The following HP1BP3 variants were observed in gnomAD, a reference collection of about 807,000 sequenced individuals.
The protein encoded by HP1BP3 is heterochromatin protein 1 binding protein 3.
HP1BP3 carries 12 observed loss-of-function variants against 62.5 expected under a neutral mutation model. That is an observed-to-expected ratio of 0.19 (90% CI 0.12 to 0.31). HP1BP3 has a LOEUF of 0.31. Among genes scored for constraint, HP1BP3 ranks in the 10% least tolerant of loss-of-function variants. HP1BP3 has a pLI of 1.00. For synonymous variants in HP1BP3, 260 were observed against 237.8 expected, an observed-to-expected ratio of 1.09 and a Z score of -0.86; for missense variants, 502 against 651.8, an observed-to-expected ratio of 0.77 and a Z score of 2.50.
At chr1:20,758,073 G>A (rs564795206) in intron 8 of HP1BP3, among the ~76,000 whole-genome samples, 1 of 152,136 alleles carries the variant, frequency 6.6e-6, no homozygotes, top group Non-Finnish European at 1.5e-5. Context: ...TTGAACCCGG[G>A]AGGCGGAGGT....
chr1:20,760,303 C>T (rs930537117), intron 8 of HP1BP3, among the ~76,000 whole-genome samples: 1 of 151,972 alleles, frequency 6.6e-6, no homozygotes, highest in African/African-American at 2.4e-5. Flanking sequence ...CCTGGGTGGC[C>T]GAAGCAGGAG....
chr1:20,757,408 GT>G (rs1227356695), intron 8 of HP1BP3, 152 bp from the exon 9 acceptor site: 52 of 329,650 alleles, frequency 1.6e-4, no homozygotes, highest in African/African-American at 1.1e-3. Context: ...TTTTGCCCTT[GT>G]TGCCCAGGCT....
At chr1:20,780,212 A>C in intron 2 of HP1BP3, 133 bp downstream of exon 2, 2 of 673,034 alleles carry the variant, frequency 3.0e-6, no homozygotes, top group South Asian at 1.8e-5. Flanking sequence ...GATGAAAAGA[A>C]TCTGATTTTG....
At chr1:20,762,549 A>G (rs2056546411) in intron 8 of HP1BP3, among the ~76,000 whole-genome samples, 1 of 152,200 alleles carries the variant, frequency 6.6e-6, no homozygotes, top group Non-Finnish European at 1.5e-5. Flanking sequence ...CCTTGCAGAC[A>G]AACGACAGAC....
At chr1:20,759,631 A>G (rs2056341334) in intron 8 of HP1BP3, among the ~76,000 whole-genome samples, 1 of 152,246 alleles carries the variant, frequency 6.6e-6, no homozygotes. Flanking sequence ...ACTGTGAGAA[A>G]TACATTTCTC....
At chr1:20,777,896 T>G (rs565556265) in intron 3 of HP1BP3, among the ~76,000 whole-genome samples, 1 of 152,264 alleles carries the variant, frequency 6.6e-6, no homozygotes, top group Non-Finnish European at 1.5e-5. Flanking sequence ...ATGCTTAGGA[T>G]GACAAAGTAT....
intron 8 of HP1BP3, among the ~76,000 whole-genome samples, chr1:20,759,431 T>C (rs2056328623): frequency 1.3e-5 from 2 of 152,236 alleles, no homozygotes; most frequent in South Asian, 4.1e-4. Context: ...GATTTAAGTA[T>C]GATGGTTAAT....
chr1:20,762,246 GA>G, intron 8 of HP1BP3, among the ~76,000 whole-genome samples: 1 of 152,230 alleles, frequency 6.6e-6, no homozygotes. Context: ...AAGGCCATGA[GA>G]AAAGGTCTTC....
At chr1:20,752,857 C>T (rs1046446478) in intron 9 of HP1BP3, among the ~76,000 whole-genome samples, 8 of 152,096 alleles carry the variant, frequency 5.3e-5, no homozygotes, top group African/African-American at 1.9e-4. Context: ...TCCGTATCTG[C>T]TACATATGTA....
intron 5 of HP1BP3, among the ~76,000 whole-genome samples, chr1:20,772,925 G>A (rs1005618138): frequency 6.6e-5 from 10 of 152,160 alleles, no homozygotes; most frequent in South Asian, 6.2e-4. Context: ...GAATGTCTAG[G>A]TAATAAAGCA....
rs2055149372 is a variant in HP1BP3 at position 20,743,596 on chromosome 1, G to C, written c.*1201C>G. The C allele has an allele frequency of 6.6e-6, 1 of 152,114 alleles. No individual in the cohort carries two copies. Among genetic ancestry groups the C allele is most frequent in the Non-Finnish European group, 1.5e-5 (1 of 68,056 alleles). The allele number at this position is 152,114 out of a possible 1,614,324, so 9.4% of individuals were successfully genotyped here. ...GAATCGCTTGAACCTGGGAGGCGGA[G>C]TTTGCAGTGAGCCAAGATCACACCA... On this transcript the variant is annotated 3_prime_UTR_variant, in exon 13 of 13. Coordinates refer to ENST00000438032, the MANE Select transcript of HP1BP3 (RefSeq NM_001372052.1).
intron 6 of HP1BP3, among the ~76,000 whole-genome samples, chr1:20,769,147 T>C (rs944955443): frequency 1.3e-4 from 20 of 152,238 alleles, no homozygotes; most frequent in African/African-American, 4.6e-4. Flanking sequence ...TGGAGTGCAG[T>C]GGCACAATCA....
At chr1:20,784,571 G>A (rs960350603) in intron 1 of HP1BP3, among the ~76,000 whole-genome samples, 9 of 142,010 alleles carry the variant, frequency 6.3e-5, no homozygotes, top group East Asian at 2.4e-4. Context: ...CTCCCCTCCC[G>A]GTTCACGCCA....
At chr1:20,780,022 C>T (rs1570676166) in intron 2 of HP1BP3, 111 bp from the exon 3 acceptor site, 1 of 755,378 alleles carries the variant, frequency 1.3e-6, no homozygotes, top group East Asian at 2.7e-5. Context: ...AAGTCGACTC[C>T]AGGATCTGAT....
At chr1:20,772,452 A>G (rs1262589393) in intron 5 of HP1BP3, among the ~76,000 whole-genome samples, 2 of 151,392 alleles carry the variant, frequency 1.3e-5, no homozygotes, top group Admixed American at 6.5e-5. Context: ...GGCTATACAA[A>G]GAACAGAGAT....
chr1:20,758,400 C>CA (rs1488547995), intron 8 of HP1BP3, among the ~76,000 whole-genome samples: 4 of 151,906 alleles, frequency 2.6e-5, no homozygotes, highest in Non-Finnish European at 5.9e-5. Flanking sequence ...GGCTGGAGTG[C>CA]AGTGGCGCGA....
At chr1:20,777,310 C>T (rs1203560839) in intron 3 of HP1BP3, among the ~76,000 whole-genome samples, 2 of 151,468 alleles carry the variant, frequency 1.3e-5, no homozygotes, top group Non-Finnish European at 1.5e-5. Flanking sequence ...ATAAAAAAAA[C>T]ATGAAAGAAA....
intron 7 of HP1BP3, among the ~76,000 whole-genome samples, chr1:20,765,919 G>A (rs1166107295): frequency 6.6e-6 from 1 of 151,152 alleles, no homozygotes; most frequent in Non-Finnish European, 1.5e-5. Context: ...GATGCAAGAT[G>A]GAGCCACCGC....
At chr1:20,781,708 C>T (rs937056883) in intron 1 of HP1BP3, among the ~76,000 whole-genome samples, 1 of 152,166 alleles carries the variant, frequency 6.6e-6, no homozygotes, top group African/African-American at 2.4e-5. Context: ...CTCGCTGCAA[C>T]CTCCGCCTCC....
Sources: allele counts gnomAD v4.1 joint callset (sites outside exome capture counted in the v4.1 genomes callset), GRCh38; gene constraint gnomAD v4.1.1; transcripts MANE v1.5; gene names NCBI Gene and HGNC (gene_info 2026-07-23, HGNC 2026-07-21).